NUP210L: variants seen among roughly 807,000 people sequenced by gnomAD.
NUP210L encodes nucleoporin 210 like, also known as nuclear pore membrane glycoprotein 210-like.
Under a neutral mutation model 208.5 loss-of-function variants are expected in NUP210L, and 74 were observed. The ratio of observed to expected loss-of-function variants is 0.35; its 90% CI spans 0.29 to 0.43. The LOEUF (loss-of-function observed/expected upper bound fraction) is 0.43. NUP210L is among the 20% of genes least tolerant of loss of function. The probability of loss-of-function intolerance (pLI) is 1.00; values close to 1 mark genes in which losing one functional copy is unlikely to be tolerated. For synonymous variants in NUP210L, 780 were observed against 816.9 expected (o/e 0.95, Z 0.77); for missense variants, 1,843 against 2,289.4 (o/e 0.81, Z 3.98).
chr1:154,066,799 G>A (rs903992085), intron 17 of NUP210L, among the ~76,000 whole-genome samples: 3 of 152,136 alleles, frequency 2.0e-5, no homozygotes, highest in South Asian at 2.1e-4. Context: ...TACCATCAGA[G>A]AATACTATAA....
chr1:154,144,647 T>TCTATATAGC (rs1237990918), intron 2 of NUP210L, among the ~76,000 whole-genome samples: 1 of 152,214 alleles, frequency 6.6e-6, no homozygotes, highest in African/African-American at 2.4e-5. Context: ...TTGAGAACTG[T>TCTATATAGC]CTATATAGCT....
At chr1:154,089,319 C>T in intron 16 of NUP210L, 102 bp downstream of exon 16, 4 of 919,450 alleles carry the variant, frequency 4.4e-6, no homozygotes, top group Non-Finnish European at 6.7e-6. Context: ...TATGATCTGG[C>T]AATTCTACTT....
At chr1:154,004,391 G>C (rs898352392) in intron 35 of NUP210L, among the ~76,000 whole-genome samples, 2 of 150,764 alleles carry the variant, frequency 1.3e-5, no homozygotes, top group Non-Finnish European at 3.0e-5. Context: ...CTTTTGAGAC[G>C]AAGTCTCGTT....
intron 17 of NUP210L, among the ~76,000 whole-genome samples, chr1:154,066,485 C>T (rs1051310861): frequency 3.3e-5 from 5 of 152,154 alleles, no homozygotes; most frequent in Non-Finnish European, 7.3e-5. Flanking sequence ...GTGGCGGGCG[C>T]CTGTAGTCCC....
At chr1:154,014,887 C>T (rs1013597823) in intron 33 of NUP210L, among the ~76,000 whole-genome samples, 2 of 152,248 alleles carry the variant, frequency 1.3e-5, no homozygotes, top group Admixed American at 1.3e-4. Context: ...ACCTGTAGTC[C>T]TAGCTACTTG....
At chr1:154,049,184 T>C (rs2147976539) in intron 25 of NUP210L, among the ~76,000 whole-genome samples, 1 of 152,246 alleles carries the variant, frequency 6.6e-6, no homozygotes, top group South Asian at 2.1e-4. Flanking sequence ...CTGAAGTATA[T>C]CAAAGTAGTT....
intron 16 of NUP210L, chr1:154,079,832 T>G (rs1389064503): frequency 6.6e-6 from 1 of 152,278 alleles, no homozygotes; most frequent in Admixed American, 6.6e-5. Flanking sequence ...ATATGAGCAG[T>G]GGGCTCATAA....
exon 5 of NUP210L, chr1:154,139,937 G>A (rs780504775): frequency 1.1e-5 from 18 of 1,608,766 alleles, no homozygotes; most frequent in African/African-American, 1.1e-4. Flanking sequence ...ATTCTGCTTC[G>A]GAGTATTTAA....
intron 38 of NUP210L, among the ~76,000 whole-genome samples, chr1:153,994,527 G>T (rs1649707146): frequency 6.6e-6 from 1 of 151,626 alleles, no homozygotes; most frequent in African/African-American, 2.4e-5. Context: ...GGCCAGGCTG[G>T]TCTCGAACTC....
Position 154,127,417 on chromosome 1 carries a change from C to T in NUP210L, c.1079G>A (p.Gly360Asp), listed in dbSNP as rs1295527946. The change falls in exon 9 of 40, where the codon GGT becomes GAT. Residue 360 changes from glycine to aspartate, a missense_variant and splice_region_variant. Gly to Asp is a moderately conservative substitution (Grantham distance 94, BLOSUM62 -1). Around this residue, in one of 5 missense-constraint regions of NUP210L, gnomAD observed 542 missense variants for 606.4 expected, o/e 0.89. Transcript: ENST00000368559. ...TCGGTTTCCAGGTTGGACAGTGAAACCTATACACAAATCAAGAAACAAAAA... is the reference window on the plus strand; with the variant it reads ...TCGGTTTCCAGGTTGGACAGTGAAATCTATACACAAATCAAGAAACAAAAA... 30 of 1,466,754 alleles carry T rather than the reference C, an allele frequency of 2.0e-5. No homozygotes were observed. The East Asian group carries it at 6.9e-4, about 34-fold the overall frequency. 90.9% of individuals were successfully genotyped at this position (1,466,754 alleles called of 1,614,324 possible).
chr1:154,089,221 T>C (rs1018244584), intron 16 of NUP210L, among the ~76,000 whole-genome samples, 200 bp downstream of exon 16: 12 of 152,150 alleles, frequency 7.9e-5, no homozygotes, highest in African/African-American at 2.7e-4. Context: ...TGGGAACCCT[T>C]GTGCACTGTT....
intron 25 of NUP210L, among the ~76,000 whole-genome samples, chr1:154,050,363 T>G (rs944337142): frequency 2.0e-5 from 3 of 152,210 alleles, no homozygotes; most frequent in African/African-American, 7.2e-5. Flanking sequence ...CAAAGGAGGC[T>G]GAGGCAGAGT....
intron 32 of NUP210L, among the ~76,000 whole-genome samples, chr1:154,019,979 A>G (rs1363806923): frequency 6.6e-6 from 1 of 152,164 alleles, no homozygotes; most frequent in Non-Finnish European, 1.5e-5. Flanking sequence ...ACTCTGCTTC[A>G]TTGACAAGGG....
intron 35 of NUP210L, among the ~76,000 whole-genome samples, chr1:154,009,162 C>T (rs935612098): frequency 1.2e-4 from 18 of 152,044 alleles, no homozygotes; most frequent in Non-Finnish European, 2.4e-4. Context: ...CCACCTGCCT[C>T]GGCCTCCCAA....
At chr1:153,996,965 CT>C (rs1001163300) in intron 37 of NUP210L, among the ~76,000 whole-genome samples, 25 of 148,322 alleles carry the variant, frequency 1.7e-4, no homozygotes, top group African/African-American at 5.2e-4. Flanking sequence ...TCATGTCCGA[CT>C]TTTTTTTTGT....
chr1:154,087,315 C>T (rs917820296), intron 16 of NUP210L, among the ~76,000 whole-genome samples: 1 of 104,786 alleles, frequency 9.5e-6, no homozygotes, highest in African/African-American at 4.2e-5. Flanking sequence ...AATGAAGCTC[C>T]ATCTCAAAAA....
At chr1:154,141,585 TACA>T (rs948612613) in intron 3 of NUP210L, 61 bp from the exon 4 acceptor site, 1 of 1,023,812 alleles carries the variant, frequency 9.8e-7, no homozygotes, top group African/African-American at 1.6e-5. Flanking sequence ...TTCAGGTATT[TACA>T]ACAAGAAAGG....
At chr1:154,097,373 T>A (rs1656228719) in intron 14 of NUP210L, among the ~76,000 whole-genome samples, 2 of 152,164 alleles carry the variant, frequency 1.3e-5, no homozygotes, top group Non-Finnish European at 2.9e-5. Context: ...AAGAAAATCA[T>A]CATCACTTCC....
intron 30 of NUP210L, among the ~76,000 whole-genome samples, chr1:154,025,327 C>A (rs1651810836): frequency 6.7e-6 from 1 of 149,498 alleles, no homozygotes; most frequent in African/African-American, 2.5e-5. Flanking sequence ...TTCTGACTCC[C>A]AGAGAGTTTC....
Sources: gnomAD v4.1 joint callset for allele counts (sites outside exome capture counted in the v4.1 genomes callset) on GRCh38, gnomAD v4.1.1 for gene constraint, gnomAD v4.1.1 regional missense constraint, MANE v1.5 for transcripts, NCBI Gene and HGNC (gene_info 2026-07-23, HGNC 2026-07-21) for gene names.